Variants in ARB2A observed in about 807,000 individuals in gnomAD.
ARB2A encodes ARB2 cotranscriptional regulator A.
At chr5:93,853,183 A>G in the ARB2A span, among the ~76,000 whole-genome samples, 7 of 152,066 alleles carry the variant, frequency 4.6e-5, no homozygotes, top group South Asian at 2.1e-4. Context: ...GTCCCTTGTA[A>G]GTTGGATTCC....
At chr5:93,989,977 T>C in the ARB2A span, among the ~76,000 whole-genome samples, 18 of 152,104 alleles carry the variant, frequency 1.2e-4, no homozygotes, top group Admixed American at 2.6e-4. Flanking sequence ...TTGAATGACT[T>C]TGTGCTGATT....
At chr5:93,785,359 CT>C in the ARB2A span, among the ~76,000 whole-genome samples, 3 of 151,590 alleles carry the variant, frequency 2.0e-5, no homozygotes, top group African/African-American at 4.8e-5. Flanking sequence ...TAATAATGTT[CT>C]TTTTTTTGCT....
At chr5:94,035,661 T>C in the ARB2A span, among the ~76,000 whole-genome samples, 2 of 152,150 alleles carry the variant, frequency 1.3e-5, no homozygotes, top group Non-Finnish European at 2.9e-5. Flanking sequence ...CACCATGGAA[T>C]ACTATGCAGC....
the ARB2A span, among the ~76,000 whole-genome samples, chr5:93,765,119 C>T: frequency 3.9e-5 from 6 of 152,176 alleles, no homozygotes; most frequent in Non-Finnish European, 7.3e-5. Context: ...GAAGCATTCC[C>T]TTGCAAAACT....
the ARB2A span, among the ~76,000 whole-genome samples, chr5:94,080,557 GCAAA>G: frequency 8.5e-5 from 13 of 152,298 alleles, no homozygotes; most frequent in Middle Eastern, 3.4e-3. Context: ...AGTGCAGTTA[GCAAA>G]CAGACTCCAT....
the ARB2A span, among the ~76,000 whole-genome samples, chr5:93,808,172 C>T: frequency 1.3e-5 from 2 of 151,922 alleles, no homozygotes; most frequent in East Asian, 3.9e-4. Context: ...TCTCATACTG[C>T]CCGCGAATTC....
At chr5:93,759,610 G>A in the ARB2A span, among the ~76,000 whole-genome samples, 1 of 152,164 alleles carries the variant, frequency 6.6e-6, no homozygotes, top group Admixed American at 6.5e-5. Flanking sequence ...GTCAATAAAT[G>A]TGATACACCA....
chr5:94,078,621 A>C, the ARB2A span, among the ~76,000 whole-genome samples: 2 of 152,156 alleles, frequency 1.3e-5, no homozygotes, highest in African/African-American at 4.8e-5. Context: ...TTTTATAACA[A>C]ATGCAAAATT....
chr5:93,979,769 C>T, the ARB2A span, among the ~76,000 whole-genome samples: 10 of 151,882 alleles, frequency 6.6e-5, no homozygotes, highest in Non-Finnish European at 1.3e-4. Context: ...ATGTTTCTTT[C>T]TTTCTCTTCC....
chr5:94,109,440 C>G, the ARB2A span, among the ~76,000 whole-genome samples: 1 of 152,120 alleles, frequency 6.6e-6, no homozygotes, highest in African/African-American at 2.4e-5. Context: ...AAAACAGAGA[C>G]AGTACAAGTT....
At chr5:93,672,086 G>A in the ARB2A span, among the ~76,000 whole-genome samples, 1 of 152,060 alleles carries the variant, frequency 6.6e-6, no homozygotes, top group Non-Finnish European at 1.5e-5. Flanking sequence ...TCTTAAAGAA[G>A]AATTTTATTG....
At chr5:93,991,303 G>A in the ARB2A span, among the ~76,000 whole-genome samples, 1 of 152,068 alleles carries the variant, frequency 6.6e-6, no homozygotes, top group Non-Finnish European at 1.5e-5. Flanking sequence ...AAACTTACCT[G>A]CTGCCAAAAT....
At chr5:93,706,656 A>G in the ARB2A span, among the ~76,000 whole-genome samples, 1 of 152,148 alleles carries the variant, frequency 6.6e-6, no homozygotes, top group Non-Finnish European at 1.5e-5. Context: ...TCACAAGGTC[A>G]GGAGATTGAG....
At chr5:94,030,866 T>C in the ARB2A span, among the ~76,000 whole-genome samples, 2 of 152,204 alleles carry the variant, frequency 1.3e-5, no homozygotes, top group Admixed American at 6.5e-5. Flanking sequence ...TTGCCTCTCA[T>C]ATTTTGCCCT....
chr5:93,728,675 CA>C, the ARB2A span, among the ~76,000 whole-genome samples: 1 of 151,750 alleles, frequency 6.6e-6, no homozygotes. Context: ...AGCTTTACAC[CA>C]GTACTAAATT....
chr5:93,996,266 T>G, the ARB2A span, among the ~76,000 whole-genome samples: 1 of 152,112 alleles, frequency 6.6e-6, no homozygotes, highest in Non-Finnish European at 1.5e-5. Flanking sequence ...CACTAAGGCA[T>G]TAAACAGGTT....
chr5:93,789,241 G>A, the ARB2A span, among the ~76,000 whole-genome samples: 1 of 152,180 alleles, frequency 6.6e-6, no homozygotes, highest in Non-Finnish European at 1.5e-5. Context: ...ATAATATTCT[G>A]AAAAGAAAAT....
At chr5:93,935,484 A>C in the ARB2A span, among the ~76,000 whole-genome samples, 2 of 152,306 alleles carry the variant, frequency 1.3e-5, no homozygotes, top group Middle Eastern at 3.4e-3. Flanking sequence ...TAACATGCTT[A>C]TGGGCATGCA....
the ARB2A span, among the ~76,000 whole-genome samples, chr5:93,937,651 G>T: frequency 6.6e-6 from 1 of 151,648 alleles, no homozygotes; most frequent in African/African-American, 2.4e-5. Flanking sequence ...ATATCCATGG[G>T]GTATACATAT....
Sources: gnomAD v4.1 joint callset for allele counts (sites outside exome capture counted in the v4.1 genomes callset) on GRCh38, gnomAD v4.1.1 for gene constraint, MANE v1.5 for transcripts, NCBI Gene and HGNC (gene_info 2026-07-23, HGNC 2026-07-21) for gene names.